Variants in FARS2 observed in about 807,000 individuals in gnomAD.
FARS2 encodes the protein phenylalanyl-tRNA synthetase 2, mitochondrial, also known as phenylalanine--tRNA ligase, mitochondrial.
Under a neutral mutation model 46.4 loss-of-function variants are expected in FARS2, and 40 were observed. The ratio of observed to expected loss-of-function variants is 0.86; its 90% CI spans 0.67 to 1.12. The LOEUF is 1.12. Ranked by LOEUF, FARS2 falls within the 50% of genes most tolerant of loss-of-function variation. FARS2 has a pLI of 0.00. For synonymous variants in FARS2, 234 were observed against 214.9 expected (o/e 1.09, Z -0.78); for missense variants, 513 against 567.9 (o/e 0.90, Z 0.98).
intron 3 of FARS2, among the ~76,000 whole-genome samples, chr6:5,414,144 T>C (rs1562022669): frequency 6.6e-6 from 1 of 152,196 alleles, no homozygotes; most frequent in Non-Finnish European, 1.5e-5. Context: ...GCAGCAGTGG[T>C]TAGTTCATTC....
chr6:5,250,736 T>C, the FARS2 span, among the ~76,000 whole-genome samples: 4 of 152,162 alleles, frequency 2.6e-5, no homozygotes, highest in Admixed American at 2.0e-4. Flanking sequence ...TAAGAACTGA[T>C]ATGGAAACAA....
intron 6 of FARS2, among the ~76,000 whole-genome samples, chr6:5,697,945 A>G (rs1377151548): frequency 6.6e-6 from 1 of 152,184 alleles, no homozygotes; most frequent in Non-Finnish European, 1.5e-5. Context: ...AGATTGTGTC[A>G]TGCTCTTTAG....
chr6:5,508,753 G>T (rs1768253441), intron 4 of FARS2, among the ~76,000 whole-genome samples: 1 of 152,240 alleles, frequency 6.6e-6, no homozygotes. Flanking sequence ...CAAGTGACAG[G>T]ATGACAGCCA....
chr6:5,559,460 G>A (rs931464038), intron 5 of FARS2, among the ~76,000 whole-genome samples: 11 of 152,166 alleles, frequency 7.2e-5, no homozygotes, highest in South Asian at 4.1e-4. Context: ...AAACACCTAC[G>A]TCTCCCTGAT....
chr6:5,549,129 T>TG (rs1771217528), intron 5 of FARS2, among the ~76,000 whole-genome samples: 1 of 151,770 alleles, frequency 6.6e-6, no homozygotes, highest in Non-Finnish European at 1.5e-5. Flanking sequence ...TCAGCAGGGC[T>TG]GACTCCTTCT....
chr6:5,721,766 T>C (rs1759926919), intron 6 of FARS2, among the ~76,000 whole-genome samples: 1 of 152,246 alleles, frequency 6.6e-6, no homozygotes. Context: ...CACTGTCAGT[T>C]CTTGAAGTGG....
intron 1 of FARS2, among the ~76,000 whole-genome samples, chr6:5,275,903 ATTATC>A (rs1766300656): frequency 2.0e-5 from 3 of 152,280 alleles, no homozygotes; most frequent in South Asian, 4.1e-4. Context: ...AGAATTTTAT[ATTATC>A]TTAAGCTTTG....
At chr6:5,746,602 T>C (rs1458045254) in intron 6 of FARS2, among the ~76,000 whole-genome samples, 2 of 150,738 alleles carry the variant, frequency 1.3e-5, no homozygotes, top group Non-Finnish European at 2.9e-5. Context: ...GCAGCAGGAT[T>C]TGGCTGGTGA....
chr6:5,288,271 ACTT>A (rs35452806), intron 1 of FARS2, among the ~76,000 whole-genome samples: 1,674 of 152,142 alleles, frequency 0.011, 12 homozygotes, highest in African/African-American at 0.027. Flanking sequence ...GCTTGAAGTG[ACTT>A]CTTCTTCTTC....
At chr6:5,519,524 G>A (rs1179851169) in intron 4 of FARS2, among the ~76,000 whole-genome samples, 1 of 149,092 alleles carries the variant, frequency 6.7e-6, no homozygotes, top group South Asian at 2.2e-4. Context: ...GAAGAAAGAG[G>A]TCATGATTTT....
intron 6 of FARS2, among the ~76,000 whole-genome samples, chr6:5,746,289 G>A (rs987692396): frequency 2.6e-5 from 4 of 152,144 alleles, no homozygotes; most frequent in African/African-American, 7.2e-5. Context: ...TAGATGGTGC[G>A]TGGAAGAGGG....
intron 4 of FARS2, among the ~76,000 whole-genome samples, chr6:5,510,999 C>G (rs1025260973): frequency 6.6e-6 from 1 of 152,166 alleles, no homozygotes; most frequent in Non-Finnish European, 1.5e-5. Context: ...AGGATCAGAG[C>G]CTGAGTTGTC....
chr6:5,471,205 T>C lies in FARS2; in HGVS notation c.904+40033T>C, dbSNP rs1765788607. ...GGAGCCTGCACCAAACGTCTTTCAT[T>C]TGAGGAGCTAAAAATGAATTGCACG... On this transcript the variant is annotated intron_variant, in intron 4 of 6. Transcript: ENST00000274680. This position sits in a 1 kb window ranked among gnomAD's most constrained non-coding sequence, Gnocchi z 4.1. 1.3e-5 allele frequency among the ~76,000 whole-genome samples: 2 copies of C among 152,162 alleles called. No homozygotes were observed. Among genetic ancestry groups the C allele is most frequent in the Admixed American group, 1.3e-4 (2 of 15,280 alleles).
intron 1 of FARS2, among the ~76,000 whole-genome samples, chr6:5,352,105 T>G (rs1482383042): frequency 6.6e-6 from 1 of 152,034 alleles, no homozygotes; most frequent in Non-Finnish European, 1.5e-5. Flanking sequence ...TTCATAAACT[T>G]CCTTAAAACA....
At chr6:5,557,004 T>C (rs1335444162) in intron 5 of FARS2, among the ~76,000 whole-genome samples, 1 of 152,160 alleles carries the variant, frequency 6.6e-6, no homozygotes, top group African/African-American at 2.4e-5. Flanking sequence ...ACCTAAACTG[T>C]ACATTTAATA....
chr6:5,377,115 A>T (rs1257182460), intron 2 of FARS2, among the ~76,000 whole-genome samples: 1 of 152,228 alleles, frequency 6.6e-6, no homozygotes, highest in Non-Finnish European at 1.5e-5. Flanking sequence ...AGAATGGTGA[A>T]TTTCAAGTAT....
intron 1 of FARS2, among the ~76,000 whole-genome samples, chr6:5,366,337 TTA>T (rs1758675603): frequency 6.6e-6 from 1 of 152,200 alleles, no homozygotes; most frequent in Non-Finnish European, 1.5e-5. Flanking sequence ...CCTGGGTCTC[TTA>T]TGTATTTCCA....
chr6:5,633,292 T>G (rs940719854), intron 6 of FARS2, among the ~76,000 whole-genome samples: 28 of 140,502 alleles, frequency 2.0e-4, no homozygotes, highest in African/African-American at 7.5e-4. Flanking sequence ...TTTTTTTTTT[T>G]TGTGACAGAG....
intron 4 of FARS2, among the ~76,000 whole-genome samples, chr6:5,491,587 C>T (rs987118224): frequency 6.6e-6 from 1 of 152,334 alleles, no homozygotes; most frequent in Middle Eastern, 3.4e-3. Flanking sequence ...GTTCCATAAA[C>T]ACAGTGCTTC....
Sources: gnomAD v4.1 joint callset for allele counts (sites outside exome capture counted in the v4.1 genomes callset) on GRCh38, gnomAD v4.1.1 for gene constraint, Gnocchi (gnomAD v3.1) non-coding constraint, MANE v1.5 for transcripts, NCBI Gene and HGNC (gene_info 2026-07-23, HGNC 2026-07-21) for gene names.